PTK7: variants seen among roughly 807,000 people sequenced by gnomAD.
PTK7 encodes the protein inactive tyrosine-protein kinase 7.
In PTK7, 39 loss-of-function variants were observed where a neutral mutation model predicts 116.6. The observed-to-expected ratio is 0.33, with a 90% CI of 0.26 to 0.44. The LOEUF is 0.44. Among genes scored for constraint, PTK7 ranks in the 20% least tolerant of loss-of-function variants. The pLI, the probability that PTK7 is intolerant of heterozygous loss-of-function variation, is 1.00. For missense variants in PTK7, 1,169 were observed against 1,425.6 expected, an observed-to-expected ratio of 0.82 and a Z score of 2.90; for synonymous variants, 546 against 563.6, an observed-to-expected ratio of 0.97 and a Z score of 0.44.
intron 16 of PTK7, among the ~76,000 whole-genome samples, chr6:43,146,316 C>G (rs1354565732): frequency 6.6e-6 from 1 of 152,130 alleles, no homozygotes; most frequent in Non-Finnish European, 1.5e-5. Context: ...GGGTAGGGGA[C>G]TGTTTTCCTC....
chr6:43,118,894 A>G (rs1360991277), intron 1 of PTK7, among the ~76,000 whole-genome samples: 2 of 150,006 alleles, frequency 1.3e-5, no homozygotes, highest in East Asian at 2.0e-4. Context: ...TCAGCCTCCC[A>G]AGTAGCTGGG....
chr6:43,085,933 CA>C (rs752791085), intron 1 of PTK7, among the ~76,000 whole-genome samples: 6,176 of 72,340 alleles, frequency 0.085, 182 homozygotes, highest in East Asian at 0.12. Flanking sequence ...AACTCTGTCT[CA>C]AAAAAAAAAA....
chr6:43,138,151 C>T (rs150843672), intron 7 of PTK7, among the ~76,000 whole-genome samples: 460 of 149,710 alleles, frequency 3.1e-3, no homozygotes, highest in Middle Eastern at 6.8e-3. Flanking sequence ...CTGTAAAGTG[C>T]GTGTTGGAAT....
chr6:43,085,410 G>A (rs1368489486), intron 1 of PTK7, among the ~76,000 whole-genome samples: 5 of 152,068 alleles, frequency 3.3e-5, no homozygotes, highest in East Asian at 3.9e-4. Context: ...CACCATGCCC[G>A]GCTAATTTTT....
At chr6:43,110,344 T>C (rs1185995674) in intron 1 of PTK7, among the ~76,000 whole-genome samples, 1 of 151,994 alleles carries the variant, frequency 6.6e-6, no homozygotes, top group Admixed American at 6.6e-5. Flanking sequence ...GAACTCTTCA[T>C]ATTGTCTTGA....
At chr6:43,127,416 G>A (rs996941270) in intron 1 of PTK7, among the ~76,000 whole-genome samples, 4 of 152,192 alleles carry the variant, frequency 2.6e-5, no homozygotes, top group South Asian at 2.1e-4. Flanking sequence ...TCTGCCCTCC[G>A]CCTCCCTAAA....
At chr6:43,156,852 G>A (rs542330978) in intron 17 of PTK7, among the ~76,000 whole-genome samples, 8 of 151,790 alleles carry the variant, frequency 5.3e-5, no homozygotes, top group South Asian at 2.1e-4. Flanking sequence ...AGCCGAGATC[G>A]CACCACTGCC....
Position 43,141,903 on chromosome 6 carries a change from T to G in PTK7, c.1769-28T>G. 2 of 1,594,562 alleles carry G rather than the reference T, an allele frequency of 1.3e-6. No individual in the cohort carries two copies. Among genetic ancestry groups the G allele is most frequent in the Non-Finnish European group, 1.7e-6 (2 of 1,168,310 alleles). ...GCCAGCCCCTTGGCTTACCCCTCCC[T>G]GCGCCTCGCTGGTCTCTTTTCTTCC... On this transcript the variant is annotated intron_variant, in intron 11 of 19. Coordinates refer to ENST00000230419, the MANE Select transcript of PTK7 (RefSeq NM_002821.5). This position sits in a 1 kb window ranked among gnomAD's most constrained non-coding sequence, Gnocchi z 4.9.
At position 43,161,280 on chromosome 6, in the gene PTK7, A is replaced by G; in HGVS notation, c.*399A>G. The G allele has an allele frequency of 4.9e-6, 1 of 203,208 alleles. No homozygotes were observed. The highest frequency in any genetic ancestry group is 9.9e-5 in the South Asian group (1 of 10,140). 12.6% of individuals were successfully genotyped at this position (203,208 alleles called of 1,614,324 possible). ...GAGCTGGGTTTGTGGGGAGTTCCTT[A>G]ATATTCTCAAGTTCTGGGCACACAG... On this transcript the variant is annotated 3_prime_UTR_variant, in exon 20 of 20. Coordinates refer to ENST00000230419, the MANE Select transcript of PTK7 (RefSeq NM_002821.5).
rs1241861958 is a variant in PTK7 at position 43,129,638 on chromosome 6, T to G, written c.368-89T>G. ...GTCTGTTGGCACAGAGCCTCGAGGT[T>G]CCACGGCTTCCTGCTTGTCCTCCTT... On this transcript the variant is annotated intron_variant, in intron 2 of 19. Transcript: ENST00000230419. This position sits in a 1 kb window ranked among gnomAD's most constrained non-coding sequence, Gnocchi z 4.5. The G allele has an allele frequency of 8.5e-7, 1 of 1,177,198 alleles. No homozygotes were observed. The highest frequency in any genetic ancestry group is 1.3e-6 in the Non-Finnish European group (1 of 791,472). The allele number at this position is 1,177,198 out of a possible 1,614,324, so 72.9% of individuals were successfully genotyped here.
intron 1 of PTK7, among the ~76,000 whole-genome samples, chr6:43,100,382 CA>C (rs34878554): frequency 0.26 from 28,184 of 107,724 alleles, 2,948 homozygotes; most frequent in Non-Finnish European, 0.32. Context: ...GACTCCATCT[CA>C]AAAAAAAAAA....
At chr6:43,114,973 C>A (rs1232059327) in intron 1 of PTK7, among the ~76,000 whole-genome samples, 2 of 150,982 alleles carry the variant, frequency 1.3e-5, no homozygotes, top group Non-Finnish European at 2.9e-5. Context: ...ACCTGGGAGG[C>A]GGAGGTTGCA....
At chr6:43,131,029 T>TCTCA (rs749691922) in intron 5 of PTK7, among the ~76,000 whole-genome samples, 12 of 133,838 alleles carry the variant, frequency 9.0e-5, no homozygotes, top group African/African-American at 3.1e-4. Flanking sequence ...GGCAAAGACA[T>TCTCA]CACACACACA....
chr6:43,096,108 G>C (rs3805938), intron 1 of PTK7, among the ~76,000 whole-genome samples: 44,793 of 152,016 alleles, frequency 0.29, 6,743 homozygotes, highest in Non-Finnish European at 0.32. Context: ...CCCGCCAGCG[G>C]CTGGCCTCTC....
chr6:43,102,731 C>T (rs1767656660), intron 1 of PTK7, among the ~76,000 whole-genome samples: 1 of 151,638 alleles, frequency 6.6e-6, no homozygotes, highest in South Asian at 2.1e-4. Context: ...CATCATTATA[C>T]TTAAAAATGA....
intron 1 of PTK7, among the ~76,000 whole-genome samples, chr6:43,080,664 G>C (rs531256205): frequency 6.6e-6 from 1 of 152,082 alleles, no homozygotes; most frequent in Non-Finnish European, 1.5e-5. Flanking sequence ...GAAGTAGGCC[G>C]GGTGCAGTGG....
At position 43,141,809 on chromosome 6, in the gene PTK7, C is replaced by A. The variant is rs1177688725; in HGVS notation, c.1760C>A (p.Thr587Asn). The change falls in exon 11 of 20, where the codon ACT (threonine) becomes AAT (asparagine). Residue 587 changes from threonine (T) to asparagine (N), a missense_variant. Thr to Asn is a moderately conservative substitution (Grantham distance 65). Coordinates refer to ENST00000230419, the MANE Select transcript of PTK7 (RefSeq NM_002821.5). The surrounding 1 kb of genome is among the most constrained non-coding windows in gnomAD (Gnocchi z 4.9). ...CAGATTCGTGCCCATGTCCAGCTCA[C>A]TGTGGCAGGTGCGACCGTGGCAGGG... Reference protein sequence around the residue: ...QGQIRAHVQLTVAVFITFKVE... With the variant: ...QGQIRAHVQLNVAVFITFKVE... The A allele has an allele frequency of 6.2e-7, 1 of 1,613,692 alleles. No individual in the cohort carries two copies. Among genetic ancestry groups the A allele is most frequent in the East Asian group, 2.2e-5 (1 of 44,864 alleles).
chr6:43,129,872 C>T lies in PTK7; in HGVS notation c.470+43C>T, dbSNP rs1481199767. 1.3e-6 allele frequency: 2 copies of T among 1,571,442 alleles called. No homozygotes were observed. Among genetic ancestry groups the T allele is most frequent in the South Asian group, 1.1e-5 (1 of 89,940 alleles). On this transcript the variant is annotated intron_variant, in intron 3 of 19. Coordinates refer to ENST00000230419, the MANE Select transcript of PTK7 (RefSeq NM_002821.5). The surrounding 1 kb of genome is among the most constrained non-coding windows in gnomAD (Gnocchi z 4.5). ...TGGGGATGAAGAGGGTTATTCCGGA[C>T]AGGGATGTCTCCCCAAATCTTGGAC...
At position 43,144,753 on chromosome 6, in the gene PTK7, G is replaced by A. The variant is rs1770628721; in HGVS notation, c.2407+147G>A. On this transcript the variant is annotated intron_variant, in intron 15 of 19. Transcript: ENST00000230419. ...CATAGGTAGAGATCTAGCCCAGTGTGGCCCCAGAGCCTGTTATTCACTGCC... is the reference window on the plus strand; with the variant it reads ...CATAGGTAGAGATCTAGCCCAGTGTAGCCCCAGAGCCTGTTATTCACTGCC... 4 of 1,002,300 alleles carry A rather than the reference G, an allele frequency of 4.0e-6. No individual in the cohort carries two copies. In the South Asian group the frequency reaches 6.0e-5, roughly 15 times the overall value. 62.1% of individuals were successfully genotyped at this position (1,002,300 alleles called of 1,614,324 possible).
Sources: gnomAD v4.1 joint callset for allele counts (sites outside exome capture counted in the v4.1 genomes callset) on GRCh38, gnomAD v4.1.1 for gene constraint, Gnocchi (gnomAD v3.1) non-coding constraint, MANE v1.5 for transcripts, NCBI Gene and HGNC (gene_info 2026-07-23, HGNC 2026-07-21) for gene names.